CACYBP: variants seen among roughly 807,000 people sequenced by gnomAD.
CACYBP encodes the protein calcyclin-binding protein.
In CACYBP, 11 loss-of-function variants were observed where a neutral mutation model predicts 29.6. The observed-to-expected ratio is 0.37, with a 90% CI of 0.23 to 0.61. CACYBP has a LOEUF of 0.61. Ranked by LOEUF, CACYBP falls within the 20% of genes least tolerant of loss-of-function variation. The pLI is 0.65. For missense variants in CACYBP, 163 were observed against 260.7 expected (o/e 0.63, Z 2.58); for synonymous variants, 73 against 88.3 (o/e 0.83, Z 0.97).
intron 5 of CACYBP, among the ~76,000 whole-genome samples, chr1:175,009,280 TC>T: frequency 6.6e-6 from 1 of 152,304 alleles, no homozygotes; most frequent in South Asian, 2.1e-4. Flanking sequence ...GTGTTTTTTT[TC>T]AAATTATGAG....
intron 2 of CACYBP, among the ~76,000 whole-genome samples, chr1:175,006,254 T>C (rs1197377597): frequency 6.6e-6 from 1 of 152,176 alleles, no homozygotes; most frequent in Admixed American, 6.5e-5. Flanking sequence ...TTGGAGTCTT[T>C]TACATTCTAC....
intron 1 of CACYBP, 113 bp downstream of exon 1, chr1:175,000,308 C>T (rs1342606020): frequency 4.7e-6 from 7 of 1,503,350 alleles, no homozygotes; most frequent in East Asian, 5.3e-5. Flanking sequence ...CCCGGTCCCG[C>T]GCCAGTCAGT....
chr1:175,011,619 A>G lies in CACYBP; in HGVS notation c.*1540A>G, dbSNP rs1325987923. The G allele has an allele frequency of 2.0e-5, 3 of 152,250 alleles. No homozygotes were observed. Among genetic ancestry groups the G allele is most frequent in the Non-Finnish European group, 4.4e-5 (3 of 68,038 alleles). The allele number at this position is 152,250 out of a possible 1,614,324, so 9.4% of individuals were successfully genotyped here. On this transcript the variant is annotated 3_prime_UTR_variant, in exon 6 of 6. Transcript: ENST00000367679. ...TATTGACAGGATTCCAATAATTAAG[A>G]ATACTTCATACAAAAAGAAATGTAA...
intron 5 of CACYBP, 150 bp from the exon 6 acceptor site, chr1:175,009,773 G>T: frequency 1.8e-6 from 1 of 564,300 alleles, no homozygotes; most frequent in Non-Finnish European, 3.1e-6. Flanking sequence ...TCATTAAGAT[G>T]AATTTGTGCG....
intron 1 of CACYBP, 34 bp downstream of exon 1, chr1:175,000,229 C>T (rs1307186832): frequency 6.9e-6 from 11 of 1,588,444 alleles, no homozygotes; most frequent in African/African-American, 1.4e-5. Context: ...CTTATGCCCC[C>T]CGGCTGGAGC....
At chr1:175,008,236 A>G (rs1489532769) in intron 4 of CACYBP, among the ~76,000 whole-genome samples, 1 of 152,006 alleles carries the variant, frequency 6.6e-6, no homozygotes, top group African/African-American at 2.4e-5. Context: ...CTGCTCCTCA[A>G]ACACACCAAG....
intron 1 of CACYBP, among the ~76,000 whole-genome samples, chr1:175,001,728 G>C (rs1186499901): frequency 6.6e-6 from 1 of 152,098 alleles, no homozygotes. Flanking sequence ...CCTTTCATCC[G>C]TTTATGGACA....
chr1:175,000,249 A>G lies in CACYBP; in HGVS notation c.15+54A>G, dbSNP rs920829473. On this transcript the variant is annotated intron_variant, in intron 1 of 5. Coordinates refer to ENST00000367679, the MANE Select transcript of CACYBP (RefSeq NM_014412.3). The stretch of plus-strand genomic sequence containing the variant: ...GCCCCCCGGCTGGAGCTGCAGCGCC[A>G]GCCTCCCGCCCTACCGCCGTTTCCG... The G allele has an allele frequency of 4.5e-6, 7 of 1,561,532 alleles. No individual in the cohort carries two copies. In the African/African-American group the frequency reaches 7.0e-5, roughly 16 times the overall value.
intron 2 of CACYBP, chr1:175,006,484 G>T (rs1448023384): frequency 3.5e-6 from 1 of 284,734 alleles, no homozygotes; most frequent in Non-Finnish European, 6.5e-6. Flanking sequence ...GGGATAAAAA[G>T]AGCATAGGTT....
intron 5 of CACYBP, 129 bp from the exon 6 acceptor site, chr1:175,009,794 A>G: frequency 1.6e-6 from 1 of 637,340 alleles, no homozygotes; most frequent in South Asian, 2.5e-5. Context: ...TGCCGTTTTG[A>G]TTGTAAATAT....
intron 4 of CACYBP, among the ~76,000 whole-genome samples, chr1:175,008,110 C>A (rs1351103038): frequency 1.3e-5 from 2 of 152,168 alleles, no homozygotes. Context: ...TTCTTTCTCA[C>A]TTTCAAATGC....
At chr1:175,001,116 A>T (rs1672476255) in intron 1 of CACYBP, among the ~76,000 whole-genome samples, 2 of 152,296 alleles carry the variant, frequency 1.3e-5, no homozygotes, top group South Asian at 2.1e-4. Flanking sequence ...AATGAAGAAA[A>T]ACTATGAGGT....
Position 175,011,019 on chromosome 1 carries a change from A to G in CACYBP, c.*940A>G, listed in dbSNP as rs1481323091. 1 of 150,872 alleles carries G rather than the reference A, an allele frequency of 6.6e-6. No individual in the cohort carries two copies. The highest frequency in any genetic ancestry group is 2.4e-5 in the African/African-American group (1 of 40,868). The allele number at this position is 150,872 out of a possible 1,614,324, so 9.3% of individuals were successfully genotyped here. A position where few individuals can be genotyped will look rare whatever the true frequency, so the allele number is the denominator to read the frequency against. Reference sequence around the variant, plus strand: ...TCCCAGCTACTAAGGCTGGAGGATCACTTCAGCCCAGGAGTTTAAGGCTGC... The same window carrying G: ...TCCCAGCTACTAAGGCTGGAGGATCGCTTCAGCCCAGGAGTTTAAGGCTGC... On this transcript the variant is annotated 3_prime_UTR_variant, in exon 6 of 6. Coordinates refer to ENST00000367679, the MANE Select transcript of CACYBP (RefSeq NM_014412.3).
At chr1:175,007,985 C>CA (rs1672657586) in intron 4 of CACYBP, among the ~76,000 whole-genome samples, 1 of 152,144 alleles carries the variant, frequency 6.6e-6, no homozygotes, top group African/African-American at 2.4e-5. Flanking sequence ...AGGTGATACT[C>CA]AAATATAGTT....
rs1309263819 is a variant in CACYBP, at chr1:175,006,820, T to C, written c.311T>C (p.Val104Ala). The change falls in exon 3 of 6, where the codon GTG becomes GCG. Residue 104 changes from valine (V) to alanine (A), a missense_variant. Physicochemically the swap from Val to Ala is moderately conservative, Grantham distance 64. Transcript: ENST00000367679. ...TGVHQVPTEN[V>A]QVHFTERSFD... ...GTTCATCAAGTTCCCACTGAGAATG[T>C]GCAGGTGCATTTCACAGAGAGGTGA... 1 of 1,581,742 alleles carries C rather than the reference T, an allele frequency of 6.3e-7. No homozygotes were observed. Among genetic ancestry groups the C allele is most frequent in the Non-Finnish European group, 8.7e-7 (1 of 1,150,840 alleles).
At chr1:175,000,300 C>T (rs1672438020) in intron 1 of CACYBP, 105 bp downstream of exon 1, 3 of 1,511,788 alleles carry the variant, frequency 2.0e-6, no homozygotes, top group African/African-American at 2.9e-5. Flanking sequence ...TGCGGCCACC[C>T]GGTCCCGCGC....
chr1:175,008,806 C>T (rs1363185714), intron 5 of CACYBP, 100 bp downstream of exon 5: 3 of 697,590 alleles, frequency 4.3e-6, no homozygotes, highest in Non-Finnish European at 7.8e-6. Flanking sequence ...CTGCTTTCAA[C>T]TGTCAAACTA....
intron 1 of CACYBP, among the ~76,000 whole-genome samples, chr1:175,004,299 TTC>T (rs1056035400): frequency 6.6e-6 from 1 of 152,204 alleles, no homozygotes; most frequent in Non-Finnish European, 1.5e-5. Context: ...CAAAAAAAAG[TTC>T]TTTGTTTTAC....
intron 4 of CACYBP, 68 bp from the exon 5 acceptor site, chr1:175,008,539 TTG>T (rs1245964759): frequency 8.8e-6 from 7 of 793,042 alleles, no homozygotes; most frequent in Non-Finnish European, 1.5e-5. Context: ...GAATAGATAA[TTG>T]TTTTATAAAT....
Sources: allele counts gnomAD v4.1 joint callset (sites outside exome capture counted in the v4.1 genomes callset), GRCh38; gene constraint gnomAD v4.1.1; transcripts MANE v1.5; gene names NCBI Gene and HGNC (gene_info 2026-07-23, HGNC 2026-07-21).